Variants in CHST4 observed in about 807,000 individuals in gnomAD.
CHST4 encodes carbohydrate sulfotransferase 4.
For missense variants in CHST4, 466 were observed against 506.0 expected (o/e 0.92, Z 0.76); for synonymous variants, 171 against 195.5 (o/e 0.87, Z 1.05).
At position 71,536,697 on chromosome 16, in the gene CHST4, T is replaced by C. The variant is rs765816053; in HGVS notation, c.20T>C (p.Met7Thr). 6.7e-7 allele frequency: 1 copy of C among 1,491,610 alleles called. No individual in the cohort carries two copies. The highest frequency in any genetic ancestry group is 8.9e-7 in the Non-Finnish European group (1 of 1,122,236). The allele number at this position is 1,491,610 out of a possible 1,614,324, so 92.4% of individuals were successfully genotyped here. The part of the protein sequence containing the change: MLLPKK[M>T]KLLLFLVSQM... ...AGCACAATGCTACTGCCTAAAAAAA[T>C]GAAGCTCCTGCTGTTTCTGGTTTCC... is the stretch of plus-strand genomic sequence containing the variant. The change falls in exon 2 of 2, where the codon ATG becomes ACG. Residue 7 changes from methionine to threonine, a missense_variant. By Grantham distance (81) the Met-to-Thr change is moderately conservative (BLOSUM62 -1). Transcript: ENST00000539698.
Position 71,534,221 on chromosome 16 carries a change from T to C in CHST4, c.-18-2439T>C, listed in dbSNP as rs1028398029. Among the ~76,000 whole-genome samples the C allele has an allele frequency of 5.9e-5, 9 of 151,898 alleles. No individual in the cohort carries two copies. The East Asian group carries it at 9.8e-4, about 16-fold the overall frequency. On this transcript the variant is annotated intron_variant, in intron 1 of 1. Transcript: ENST00000539698. ...CAAAATAATTTGAATCATGTGACTA[T>C]TACCTATTAAAAACTTTTTAGGCTG...
At chr16:71,536,581 T>A in intron 1 of CHST4, 79 bp from the exon 2 acceptor site, 1 of 1,076,612 alleles carries the variant, frequency 9.3e-7, no homozygotes. Flanking sequence ...AGAGAGCAGG[T>A]GGCTTTGGCC....
At chr16:71,533,393 C>T (rs891425339) in intron 1 of CHST4, among the ~76,000 whole-genome samples, 6 of 143,054 alleles carry the variant, frequency 4.2e-5, no homozygotes, top group African/African-American at 1.3e-4. Flanking sequence ...CCAGTGTGTA[C>T]TGCAGCCTGG....
chr16:71,529,543 ATTTTTTT>A (rs1157747412), intron 1 of CHST4, among the ~76,000 whole-genome samples: 6 of 41,326 alleles, frequency 1.5e-4, no homozygotes, highest in Non-Finnish European at 2.6e-4. Context: ...ATGCTCATCT[ATTTTTTT>A]TTTTTTTTTT....
Position 71,537,653 on chromosome 16 carries a change from G to T in CHST4, c.976G>T (p.Asp326Tyr). 2 of 1,614,200 alleles carry T rather than the reference G, an allele frequency of 1.2e-6. No individual in the cohort carries two copies. The highest frequency in any genetic ancestry group is 2.2e-5 in the South Asian group (2 of 91,084). The change falls in exon 2 of 2, where the codon GAT (aspartate) becomes TAT (tyrosine). Residue 326 changes from aspartate to tyrosine, a missense_variant. Asp to Tyr is a radical substitution (Grantham distance 160). Transcript: ENST00000539698. This position sits in a 1 kb window ranked among gnomAD's most constrained non-coding sequence, Gnocchi z 4.2. ...GDHAFHTNAR[D>Y]ALNVSQAWRW... is the part of the protein sequence containing the mutation. The stretch of plus-strand genomic sequence containing the variant: ...CCACGCTTTCCACACAAATGCCAGG[G>T]ATGCCCTTAATGTCTCCCAGGCTTG...
At chr16:71,527,523 G>T (rs1306564243) in intron 1 of CHST4, among the ~76,000 whole-genome samples, 1 of 152,168 alleles carries the variant, frequency 6.6e-6, no homozygotes, top group African/African-American at 2.4e-5. Context: ...GAGGCAGGTG[G>T]ATCACCTGAG....
chr16:71,534,436 C>A (rs1434546532), intron 1 of CHST4, among the ~76,000 whole-genome samples: 1 of 149,518 alleles, frequency 6.7e-6, no homozygotes, highest in Non-Finnish European at 1.5e-5. Flanking sequence ...CGGCTCACTG[C>A]AATCTCTGCC....
In CHST4 at chr16:71,537,291, G is replaced by C. The variant is rs779470375; in HGVS notation, c.614G>C (p.Arg205Pro). Reference protein sequence around the residue: ...SLNLHIVHLVRDPRAVFRSRE... With the variant: ...SLNLHIVHLVPDPRAVFRSRE... ...AACCTGCATATCGTGCACCTGGTCC[G>C]GGACCCCCGGGCCGTGTTCCGTTCC... The change falls in exon 2 of 2, where the codon CGG (arginine) becomes CCG (proline). Residue 205 changes from arginine to proline, a missense_variant. Transcript: ENST00000539698. The surrounding 1 kb of genome is among the most constrained non-coding windows in gnomAD (Gnocchi z 4.2). 6.2e-7 allele frequency: 1 copy of C among 1,614,176 alleles called. No homozygotes were observed. Among genetic ancestry groups the C allele is most frequent in the South Asian group, 1.1e-5 (1 of 91,076 alleles).
At chr16:71,530,575 G>A (rs2043940875) in intron 1 of CHST4, among the ~76,000 whole-genome samples, 1 of 151,662 alleles carries the variant, frequency 6.6e-6, no homozygotes, top group Admixed American at 6.6e-5. Context: ...ACACCAGCCT[G>A]GGCAATATAG....
In CHST4 at chr16:71,537,524, CCT is replaced by C. The variant is rs759695594; in HGVS notation, c.848_849del (p.Pro283ArgfsTer9). 30 of 1,614,066 alleles carry C rather than the reference CCT, an allele frequency of 1.9e-5. No homozygotes were observed. The highest frequency in any genetic ancestry group is 2.4e-5 in the Non-Finnish European group (28 of 1,180,050). ...GCGCTATGAGGACCTGGCTCGAGCC[CCT>C]GTGGCCCAGACTTCCCGAATGTATG... ...LVRYEDLARA[P>X]VAQTSRMYEF... is the part of the protein sequence containing the mutation. On this transcript the variant is annotated frameshift_variant, in exon 2 of 2. Coordinates refer to ENST00000539698, the MANE Select transcript of CHST4 (RefSeq NM_001166395.2). LOFTEE classifies it low-confidence loss of function (END_TRUNC). This position sits in a 1 kb window ranked among gnomAD's most constrained non-coding sequence, Gnocchi z 4.2.
At chr16:71,534,348 C>CTTTTTTTTTTTTTTTTTTTTTTTT (rs548597955) in intron 1 of CHST4, among the ~76,000 whole-genome samples, 3 of 123,374 alleles carry the variant, frequency 2.4e-5, no homozygotes, top group African/African-American at 3.1e-5. Flanking sequence ...ACATTTCTTT[C>CTTTTTTTTTTTTTTTTTTTTTTTT]TTTTTTTTTT....
In CHST4 at chr16:71,537,654, A is replaced by G. The variant is rs200659176; in HGVS notation, c.977A>G (p.Asp326Gly). 1.2e-6 allele frequency: 2 copies of G among 1,614,218 alleles called. No individual in the cohort carries two copies. Among genetic ancestry groups the G allele is most frequent in the Non-Finnish European group, 1.7e-6 (2 of 1,180,036 alleles). ...CACGCTTTCCACACAAATGCCAGGGATGCCCTTAATGTCTCCCAGGCTTGG... is the reference window on the plus strand; with the variant it reads ...CACGCTTTCCACACAAATGCCAGGGGTGCCCTTAATGTCTCCCAGGCTTGG... ...GDHAFHTNAR[D>G]ALNVSQAWRW... The change falls in exon 2 of 2, where the codon GAT becomes GGT. Residue 326 changes from aspartate (D) to glycine (G), a missense_variant. Coordinates refer to ENST00000539698, the MANE Select transcript of CHST4 (RefSeq NM_001166395.2). This position sits in a 1 kb window ranked among gnomAD's most constrained non-coding sequence, Gnocchi z 4.2.
intron 1 of CHST4, among the ~76,000 whole-genome samples, chr16:71,529,346 T>C (rs1203430424): frequency 2.0e-5 from 3 of 152,164 alleles, no homozygotes; most frequent in East Asian, 3.9e-4. Flanking sequence ...CTGACTTTAT[T>C]AGTAGCTTGG....
chr16:71,532,248 C>T (rs146007793), intron 1 of CHST4, among the ~76,000 whole-genome samples: 8,782 of 151,944 alleles, frequency 0.058, 844 homozygotes, highest in African/African-American at 0.2. Context: ...GGGGTTTCAC[C>T]GTGTTAGCCA....
upstream of CHST4, chr16:71,526,228 C>A (rs2043906241): frequency 6.6e-6 from 1 of 152,146 alleles, no homozygotes; most frequent in Non-Finnish European, 1.5e-5. Context: ...AAGCAGTCTC[C>A]CCACCCCTTG....
At chr16:71,536,052 T>C (rs2043985627) in intron 1 of CHST4, among the ~76,000 whole-genome samples, 1 of 152,112 alleles carries the variant, frequency 6.6e-6, no homozygotes, top group Admixed American at 6.5e-5. Flanking sequence ...CAATTCCAAC[T>C]AAAGCCAAGC....
chr16:71,527,186 C>T (rs890777417), intron 1 of CHST4, among the ~76,000 whole-genome samples: 10 of 152,168 alleles, frequency 6.6e-5, no homozygotes, highest in African/African-American at 2.4e-4. Flanking sequence ...GTAGAAGATA[C>T]GTCTATCTTG....
At position 71,538,166 on chromosome 16, in the gene CHST4, T is replaced by G. The variant is rs2044007886; in HGVS notation, c.*328T>G. 3.4e-6 allele frequency: 1 copy of G among 292,358 alleles called. No homozygotes were observed. Among genetic ancestry groups the G allele is most frequent in the African/African-American group, 2.2e-5 (1 of 45,980 alleles). The allele number at this position is 292,358 out of a possible 1,614,324, so 18.1% of individuals were successfully genotyped here. ...TAAGCACGACACAGTATCAGTGGAATTGATCCATAAACCTCCCTGTCCACA... is the reference window on the plus strand; with the variant it reads ...TAAGCACGACACAGTATCAGTGGAAGTGATCCATAAACCTCCCTGTCCACA... On this transcript the variant is annotated 3_prime_UTR_variant, in exon 2 of 2. Coordinates refer to ENST00000539698, the MANE Select transcript of CHST4 (RefSeq NM_001166395.2).
At chr16:71,533,912 C>T (rs996835865) in intron 1 of CHST4, among the ~76,000 whole-genome samples, 9 of 151,872 alleles carry the variant, frequency 5.9e-5, no homozygotes, top group Non-Finnish European at 1.0e-4. Flanking sequence ...CCTGGTGGCA[C>T]GTGCCTATAG....
Sources: gnomAD v4.1 joint callset for allele counts (sites outside exome capture counted in the v4.1 genomes callset) on GRCh38, gnomAD v4.1.1 for gene constraint, Gnocchi (gnomAD v3.1) non-coding constraint, MANE v1.5 for transcripts, NCBI Gene and HGNC (gene_info 2026-07-23, HGNC 2026-07-21) for gene names.